GPN3: variants seen among roughly 807,000 people sequenced by gnomAD.
The protein encoded by GPN3 is ATP-binding domain 1 family member C.
A neutral mutation model predicts 38.7 loss-of-function variants in GPN3; 31 were observed. The ratio of observed to expected loss-of-function variants is 0.80; its 90% CI spans 0.60 to 1.08. GPN3 has a LOEUF of 1.08. Ranked by LOEUF, GPN3 falls within the 50% of genes least tolerant of loss-of-function variation. The pLI, the probability that GPN3 is intolerant of heterozygous loss-of-function variation, is 0.00. For missense variants in GPN3, 301 were observed against 354.4 expected, an observed-to-expected ratio of 0.85 and a Z score of 1.21; for synonymous variants, 116 against 120.2, an observed-to-expected ratio of 0.96 and a Z score of 0.23.
At chr12:110,459,975 T>C in intron 2 of GPN3, 113 bp from the exon 3 acceptor site, 1 of 802,968 alleles carries the variant, frequency 1.2e-6, no homozygotes, top group East Asian at 2.6e-5. Context: ...ATGCAGGAAA[T>C]TATTTATGTA....
chr12:110,461,180 GATACC>G, intron 2 of GPN3: 1 of 1,286,316 alleles, frequency 7.8e-7, no homozygotes, highest in Non-Finnish European at 1.1e-6. Context: ...TGTGCGCATT[GATACC>G]AGGCTCAACA....
chr12:110,463,744 C>T (rs117863408), intron 2 of GPN3, among the ~76,000 whole-genome samples: 2,869 of 148,942 alleles, frequency 0.019, 38 homozygotes, highest in Middle Eastern at 0.078. Context: ...GGTTGTGTCA[C>T]TGCACTCCAG....
Position 110,453,723 on chromosome 12 carries a change from C to T in GPN3, c.792+20G>A. 6.3e-7 allele frequency: 1 copy of T among 1,596,868 alleles called. No individual in the cohort carries two copies. The highest frequency in any genetic ancestry group is 8.6e-7 in the Non-Finnish European group (1 of 1,165,374). On this transcript the variant is annotated intron_variant, in intron 7 of 7. Transcript: ENST00000228827. ...AATATTTTTATCAAAAGCTAACAAACACCCCAAACCAGAAATTACCTTTGG... is the reference window on the plus strand; with the variant it reads ...AATATTTTTATCAAAAGCTAACAAATACCCCAAACCAGAAATTACCTTTGG...
intron 1 of GPN3, among the ~76,000 whole-genome samples, chr12:110,467,228 G>A (rs1592969801): frequency 6.6e-6 from 1 of 151,956 alleles, no homozygotes; most frequent in East Asian, 1.9e-4. Flanking sequence ...GGGCTCAGGC[G>A]ATCCGTCCAC....
chr12:110,457,516 T>G lies in GPN3; in HGVS notation c.444A>C (p.Ser148=). The change falls in exon 4 of 8, where the codon TCA becomes TCC. Residue 148 remains serine, a synonymous_variant. Transcript: ENST00000228827. ...FLVDSQFMVE[S]FKFISGILAA... is the part of the protein sequence containing the mutation. Reference sequence around the variant, plus strand: ...AAGAGATTTAGCTTCAGACCTTGAATGACTCCACCATGAACTGAGAATCAA... The same window carrying G: ...AAGAGATTTAGCTTCAGACCTTGAAGGACTCCACCATGAACTGAGAATCAA... The G allele has an allele frequency of 6.5e-7, 1 of 1,536,112 alleles. No individual in the cohort carries two copies. Among genetic ancestry groups the G allele is most frequent in the Admixed American group, 1.9e-5 (1 of 51,524 alleles).
chr12:110,468,080 G>A (rs1339156663), intron 1 of GPN3, 76 bp downstream of exon 1: 8 of 1,609,002 alleles, frequency 5.0e-6, no homozygotes, highest in South Asian at 3.3e-5. Flanking sequence ...ACACCCGCCG[G>A]CTCACTCCCT....
intron 7 of GPN3, 75 bp downstream of exon 7, chr12:110,453,668 G>A: frequency 8.5e-7 from 1 of 1,173,198 alleles, no homozygotes; most frequent in Admixed American, 1.9e-5. Flanking sequence ...GAGTCGCCTG[G>A]ATTATGCAAG....
chr12:110,457,377 G>C (rs1045077153), intron 4 of GPN3, 133 bp downstream of exon 4: 4 of 548,300 alleles, frequency 7.3e-6, no homozygotes, highest in Non-Finnish European at 8.6e-6. Context: ...CACTTGAACT[G>C]GGAGGCGGAG....
At chr12:110,461,376 A>G (rs1000308884) in intron 2 of GPN3, 2 of 670,882 alleles carry the variant, frequency 3.0e-6, no homozygotes, top group Non-Finnish European at 5.2e-6. Context: ...TGATCGTCAA[A>G]TACATCAAAT....
chr12:110,468,661 T>C (rs2062656257), upstream of GPN3: 1 of 1,536,736 alleles, frequency 6.5e-7, no homozygotes, highest in Non-Finnish European at 8.7e-7. Context: ...TGTGACGCAC[T>C]GCTTCCACAG....
chr12:110,467,930 G>C (rs754420602), intron 1 of GPN3, among the ~76,000 whole-genome samples: 1 of 152,140 alleles, frequency 6.6e-6, no homozygotes, highest in South Asian at 2.1e-4. Flanking sequence ...TAAGCGAGGC[G>C]TTTCATCTGC....
rs753836835 is a variant in GPN3, at chr12:110,459,788, C to G, written c.232G>C (p.Val78Leu). 6 of 1,613,316 alleles carry G rather than the reference C, an allele frequency of 3.7e-6. No homozygotes were observed. Among genetic ancestry groups the G allele is most frequent in the Non-Finnish European group, 5.1e-6 (6 of 1,179,218 alleles). The change falls in exon 3 of 8, where the codon GTA (valine) becomes CTA (leucine). Residue 78 changes from valine (V) to leucine (L), a missense_variant. Physicochemically the swap from Val to Leu is conservative, Grantham distance 32. Transcript: ENST00000228827. The stretch of plus-strand genomic sequence containing the variant: ...TTGGCAAAGTACTCCATGCAAAATA[C>G]CAATCCTCCGTTGGGACCGAATCGC... ...SLRFGPNGGL[V>L]FCMEYFANNF...
chr12:110,454,388 C>CTTTTTTTTTT (rs762868668), intron 6 of GPN3, among the ~76,000 whole-genome samples: 2 of 134,994 alleles, frequency 1.5e-5, no homozygotes, highest in African/African-American at 2.7e-5. Context: ...CTTTTTTTTT[C>CTTTTTTTTTT]TTTTTTTTTT....
intron 2 of GPN3, among the ~76,000 whole-genome samples, chr12:110,462,905 C>T (rs2062600412): frequency 6.6e-6 from 1 of 152,132 alleles, no homozygotes; most frequent in African/African-American, 2.4e-5. Context: ...CACAGGCGCC[C>T]GCCACCATGC....
chr12:110,461,537 A>G, intron 2 of GPN3, among the ~76,000 whole-genome samples: 1 of 151,872 alleles, frequency 6.6e-6, no homozygotes, highest in East Asian at 1.9e-4. Flanking sequence ...GAGGCAGAGG[A>G]TGTAGTGAGA....
At chr12:110,464,520 CAT>C (rs1208921436) in intron 2 of GPN3, among the ~76,000 whole-genome samples, 2 of 151,030 alleles carry the variant, frequency 1.3e-5, no homozygotes, top group African/African-American at 4.9e-5. Context: ...CAATATACCA[CAT>C]GATTCACTAC....
intron 1 of GPN3, among the ~76,000 whole-genome samples, chr12:110,466,696 A>G (rs1592969207): frequency 6.6e-6 from 1 of 152,198 alleles, no homozygotes; most frequent in East Asian, 1.9e-4. Flanking sequence ...GGGCTTCACC[A>G]TGGTGCCCAG....
At chr12:110,468,507 C>G, upstream of GPN3, 1 of 1,537,286 alleles carries the variant, frequency 6.5e-7, no homozygotes, top group Non-Finnish European at 8.7e-7. Flanking sequence ...AGCTCCGCAT[C>G]CTTGCGCCAC....
Position 110,465,192 on chromosome 12 carries a change from A to C in GPN3, c.71T>G (p.Val24Gly), listed in dbSNP as rs772593354. Residue 24 changes from valine (V) to glycine (G), a missense_variant, in exon 2 of 8, where the codon GTC becomes GGC. Val to Gly is a moderately radical substitution (Grantham distance 109). Transcript: ENST00000228827. The stretch of plus-strand genomic sequence containing the variant: ...CCGGTTGAGGGCTTCACAGTGCTGG[A>C]CCATGGTGGCACAGTAGGTGCTCTG... ...SGKSTYCATM[V>G]QHCEALNRSV... 1.9e-6 allele frequency: 3 copies of C among 1,607,670 alleles called. No individual in the cohort carries two copies. Among genetic ancestry groups the C allele is most frequent in the Non-Finnish European group, 2.6e-6 (3 of 1,174,050 alleles).
Sources: gnomAD v4.1 joint callset for allele counts (sites outside exome capture counted in the v4.1 genomes callset) on GRCh38, gnomAD v4.1.1 for gene constraint, MANE v1.5 for transcripts, NCBI Gene and HGNC (gene_info 2026-07-23, HGNC 2026-07-21) for gene names.